Variants in PIKFYVE observed in about 807,000 individuals in gnomAD.
PIKFYVE encodes the protein 1-phosphatidylinositol 3-phosphate 5-kinase.
PIKFYVE carries 122 observed loss-of-function variants against 257.9 expected under a neutral mutation model. The observed-to-expected ratio is 0.47, with a 90% confidence interval of 0.41 to 0.55. The LOEUF is 0.55. PIKFYVE is among the 20% of genes least tolerant of loss of function. The pLI, the probability that PIKFYVE is intolerant of heterozygous loss-of-function variation, is 0.00. For missense variants in PIKFYVE, 2,160 were observed against 2,536.6 expected, an observed-to-expected ratio of 0.85 and a Z score of 3.19; for synonymous variants, 892 against 868.9, an observed-to-expected ratio of 1.03 and a Z score of -0.47.
rs746781460 is a variant in PIKFYVE at position 208,330,582 on chromosome 2, G to A, written c.3851G>A (p.Arg1284His). 20 of 1,614,014 alleles carry A rather than the reference G, an allele frequency of 1.2e-5. No individual in the cohort carries two copies. Among genetic ancestry groups the A allele is most frequent in the Admixed American group, 3.3e-5 (2 of 59,994 alleles). The change falls in exon 23 of 42, where the codon CGC (arginine) becomes CAC (histidine). Residue 1284 changes from arginine (R) to histidine (H), a missense_variant. By Grantham distance (29) the Arg-to-His change is conservative. Around this residue, in one of 12 missense-constraint regions of PIKFYVE, gnomAD observed 55 missense variants for 103.0 expected, o/e 0.53. Transcript: ENST00000264380. Reference protein sequence around the residue: ...CDTPMVHHIRRFVHGQGCVQI... With the variant: ...CDTPMVHHIRHFVHGQGCVQI... ...ACCCCCATGGTACATCATATTCGGC[G>A]CTTTGTTCATGGCCAAGGCTGTGTG...
chr2:208,329,876 CTTACA>C lies in PIKFYVE; in HGVS notation c.3758_3762del (p.Thr1253ArgfsTer21). On this transcript the variant is annotated frameshift_variant, in exon 22 of 42. Coordinates refer to ENST00000264380, the MANE Select transcript of PIKFYVE (RefSeq NM_015040.4). LOFTEE classifies it high-confidence loss of function. The stretch of plus-strand genomic sequence containing the variant: ...AATGGAATTTTATGGAAAGAATGAT[CTTACA>C]TTAGGAATATTTTTAGAGAGATACT... The C allele has an allele frequency of 3.1e-6, 5 of 1,610,658 alleles. No homozygotes were observed. Among genetic ancestry groups the C allele is most frequent in the Admixed American group, 1.7e-5 (1 of 59,904 alleles).
chr2:208,277,753 C>CTA (rs1166242938), intron 5 of PIKFYVE, 45 bp downstream of exon 5: 3 of 1,585,100 alleles, frequency 1.9e-6, no homozygotes, highest in Non-Finnish European at 2.6e-6. Context: ...AAGGTCATAA[C>CTA]TATAAGACAC....
chr2:208,295,623 G>C (rs1028423398), intron 7 of PIKFYVE, among the ~76,000 whole-genome samples: 3 of 152,054 alleles, frequency 2.0e-5, no homozygotes, highest in Non-Finnish European at 2.9e-5. Flanking sequence ...TGGAGTTTTG[G>C]GGCAGTAATA....
chr2:208,301,729 A>G (rs1331890991), intron 9 of PIKFYVE, among the ~76,000 whole-genome samples: 2 of 152,150 alleles, frequency 1.3e-5, no homozygotes, highest in East Asian at 1.9e-4. Flanking sequence ...CATGAGGAAA[A>G]TTGTGTGGTC....
At chr2:208,314,229 T>TA in intron 13 of PIKFYVE, 65 bp from the exon 14 acceptor site, 1 of 1,548,978 alleles carries the variant, frequency 6.5e-7, no homozygotes, top group East Asian at 2.3e-5. Context: ...AATTTCTAAA[T>TA]ATATGAGTAG....
At chr2:208,313,229 T>C (rs145475055) in intron 13 of PIKFYVE, among the ~76,000 whole-genome samples, 2 of 152,342 alleles carry the variant, frequency 1.3e-5, no homozygotes, top group Non-Finnish European at 2.9e-5. Flanking sequence ...TCAACAGTTA[T>C]TTAGTGAACA....
rs547466847 is a variant in PIKFYVE at position 208,355,557 on chromosome 2, C to T, written c.*252C>T. 7.2e-6 allele frequency: 3 copies of T among 415,148 alleles called. No homozygotes were observed. Among genetic ancestry groups the T allele is most frequent in the Non-Finnish European group, 1.3e-5 (3 of 226,224 alleles). The allele number at this position is 415,148 out of a possible 1,614,324, so 25.7% of individuals were successfully genotyped here. A position where few individuals can be genotyped will look rare whatever the true frequency, so the allele number is the denominator to read the frequency against. ...AAATTTTCTTAAGCTAAAATACAGA[C>T]ATGTTTCAAAGGGCTAAAGTTGGAG... On this transcript the variant is annotated 3_prime_UTR_variant, in exon 42 of 42. Transcript: ENST00000264380.
intron 3 of PIKFYVE, 90 bp downstream of exon 3, chr2:208,273,823 C>T: frequency 1.3e-6 from 2 of 1,499,008 alleles, no homozygotes; most frequent in Non-Finnish European, 1.9e-6. Flanking sequence ...CAGGACTTAA[C>T]TTTCCTGCTA....
intron 34 of PIKFYVE, among the ~76,000 whole-genome samples, chr2:208,347,382 C>T (rs1699327089): frequency 6.6e-6 from 1 of 151,974 alleles, no homozygotes. Context: ...CTTATATTTT[C>T]CTGTGTTAAA....
intron 15 of PIKFYVE, among the ~76,000 whole-genome samples, chr2:208,316,020 C>G (rs1695474933): frequency 7.0e-6 from 1 of 141,908 alleles, no homozygotes; most frequent in South Asian, 2.5e-4. Flanking sequence ...TGCTATCCCT[C>G]ACCCCTCCCC....
At chr2:208,296,768 A>G (rs1479904863) in intron 7 of PIKFYVE, among the ~76,000 whole-genome samples, 3 of 152,154 alleles carry the variant, frequency 2.0e-5, no homozygotes, top group Non-Finnish European at 2.9e-5. Context: ...AAGTGGAGAA[A>G]GTTTTTCAAG....
intron 15 of PIKFYVE, among the ~76,000 whole-genome samples, chr2:208,317,412 A>G (rs1056296573): frequency 1.6e-5 from 2 of 121,454 alleles, no homozygotes; most frequent in Non-Finnish European, 3.4e-5. Flanking sequence ...GAGAAATGCA[A>G]ATCAAAACCA....
intron 38 of PIKFYVE, among the ~76,000 whole-genome samples, chr2:208,352,097 C>T (rs1196973855): frequency 2.0e-5 from 3 of 152,144 alleles, no homozygotes; most frequent in Non-Finnish European, 4.4e-5. Context: ...AGCAAGTTGC[C>T]TTTAATTAGT....
intron 3 of PIKFYVE, among the ~76,000 whole-genome samples, chr2:208,276,369 CA>C (rs1177146997): frequency 6.6e-6 from 1 of 152,116 alleles, no homozygotes; most frequent in Non-Finnish European, 1.5e-5. Context: ...TTCTAGCATG[CA>C]TTTATTATAG....
At chr2:208,336,372 A>G (rs1411185516) in intron 27 of PIKFYVE, among the ~76,000 whole-genome samples, 172 bp downstream of exon 27, 1 of 152,160 alleles carries the variant, frequency 6.6e-6, no homozygotes, top group Non-Finnish European at 1.5e-5. Context: ...TATATGTGGT[A>G]TATTTTAGGT....
chr2:208,316,183 C>T (rs542063255), intron 15 of PIKFYVE, among the ~76,000 whole-genome samples: 3 of 152,010 alleles, frequency 2.0e-5, no homozygotes, highest in African/African-American at 4.8e-5. Context: ...ATTTCATCCA[C>T]GTCCCTACAA....
chr2:208,347,824 G>GTACTTAAAATTAATATGT, intron 34 of PIKFYVE, 35 bp from the exon 35 acceptor site: 1 of 1,558,446 alleles, frequency 6.4e-7, no homozygotes, highest in Non-Finnish European at 8.8e-7. Flanking sequence ...GTAGTGACCT[G>GTACTTAAAATTAATATGT]TACTTAAAAT....
At chr2:208,322,704 T>A (rs939754220) in intron 17 of PIKFYVE, among the ~76,000 whole-genome samples, 4 of 149,128 alleles carry the variant, frequency 2.7e-5, no homozygotes, top group Non-Finnish European at 4.5e-5. Context: ...TATATATATT[T>A]TTTTTATTAC....
intron 28 of PIKFYVE, among the ~76,000 whole-genome samples, chr2:208,337,173 C>T (rs1698216524): frequency 6.6e-6 from 1 of 152,094 alleles, no homozygotes; most frequent in Non-Finnish European, 1.5e-5. Context: ...TTTGCTGCAT[C>T]ACTGAGGGTA....
Sources: gnomAD v4.1 joint callset for allele counts (sites outside exome capture counted in the v4.1 genomes callset) on GRCh38, gnomAD v4.1.1 for gene constraint, gnomAD v4.1.1 regional missense constraint, MANE v1.5 for transcripts, NCBI Gene and HGNC (gene_info 2026-07-23, HGNC 2026-07-21) for gene names.